RGPD2: variants seen among roughly 807,000 people sequenced by gnomAD.
RGPD2 encodes RANBP2-like and GRIP domain-containing protein 2.
In RGPD2, 2 loss-of-function variants were observed where a neutral mutation model predicts 36.0. The ratio of observed to expected loss-of-function variants is 0.06; its 90% CI spans 0.02 to 0.17. The LOEUF is 0.17. RGPD2 is among the 10% of genes least tolerant of loss of function. RGPD2 has a pLI of 1.00. For missense variants in RGPD2, 40 were observed against 464.3 expected (o/e 0.09, Z 8.40); for synonymous variants, 19 against 163.8 (o/e 0.12, Z 6.75).
In RGPD2 at chr2:87,825,712, G is replaced by A. The variant is rs1558740495; in HGVS notation, c.18C>T (p.Ala6=). Residue 6 remains alanine (A), a synonymous_variant, in exon 1 of 23, where the codon GCC becomes GCT. Transcript: ENST00000398146. MRRSK[A]YGERYLASVQ... is the part of the protein sequence containing the mutation. ...CCGAGGCGAGGTACCGCTCCCCGTA[G>A]GCTTTGCTGCGCCTCATCGCACCGC... 6.2e-7 allele frequency: 1 copy of A among 1,602,748 alleles called. No homozygotes were observed. The highest frequency in any genetic ancestry group is 2.2e-5 in the East Asian group (1 of 44,554).
the RGPD2 span, among the ~76,000 whole-genome samples, chr2:87,973,744 T>C: frequency 1.4e-4 from 21 of 150,244 alleles, no homozygotes; most frequent in Admixed American, 3.4e-4. Context: ...TTACTTTGAG[T>C]TCCTACTGAC....
the RGPD2 span, among the ~76,000 whole-genome samples, chr2:87,979,974 G>T: frequency 2.0e-4 from 30 of 150,210 alleles, no homozygotes; most frequent in Non-Finnish European, 4.2e-4. Context: ...TATTAAAACT[G>T]ATCAAACTGT....
chr2:87,825,196 C>G, intron 1 of RGPD2: 1 of 394,254 alleles, frequency 2.5e-6, no homozygotes, highest in Non-Finnish European at 4.5e-6. Context: ...TCTATTGATC[C>G]CCACCTCCAA....
the RGPD2 span, among the ~76,000 whole-genome samples, chr2:87,877,804 C>CAAAAA: frequency 1.8e-3 from 148 of 84,428 alleles, no homozygotes; most frequent in Middle Eastern, 9.8e-3. Flanking sequence ...GACTCCGTCT[C>CAAAAA]AAAAAAAAAA....
chr2:87,857,575 CT>C, the RGPD2 span, among the ~76,000 whole-genome samples: 36 of 151,718 alleles, frequency 2.4e-4, no homozygotes, highest in East Asian at 6.9e-3. Flanking sequence ...ATCTCCTGAC[CT>C]TGTGATCCGC....
At chr2:87,927,823 C>G in the RGPD2 span, among the ~76,000 whole-genome samples, 8 of 150,124 alleles carry the variant, frequency 5.3e-5, no homozygotes, top group South Asian at 1.5e-3. Context: ...CCCAGAAAAG[C>G]CTTGTCCATT....
chr2:87,878,149 C>G, the RGPD2 span, among the ~76,000 whole-genome samples: 3 of 152,404 alleles, frequency 2.0e-5, no homozygotes, highest in East Asian at 5.8e-4. Flanking sequence ...CTCCCTATCT[C>G]TTTCAGGTAA....
At chr2:87,881,362 C>A in the RGPD2 span, among the ~76,000 whole-genome samples, 2 of 152,276 alleles carry the variant, frequency 1.3e-5, no homozygotes, top group African/African-American at 4.8e-5. Context: ...CAATTTACCT[C>A]CACACTGCTC....
the RGPD2 span, among the ~76,000 whole-genome samples, chr2:87,958,210 GTTAA>G: frequency 6.6e-6 from 1 of 151,930 alleles, no homozygotes; most frequent in Non-Finnish European, 1.5e-5. Context: ...ACTCCATATG[GTTAA>G]TTGTTATTTT....
At chr2:87,846,366 G>T in the RGPD2 span, among the ~76,000 whole-genome samples, 1 of 151,866 alleles carries the variant, frequency 6.6e-6, no homozygotes, top group Admixed American at 6.6e-5. Context: ...GGCACAGTGT[G>T]GTTACTAAAA....
At chr2:87,829,792 G>T (rs1686928414), upstream of RGPD2, among the ~76,000 whole-genome samples, 1 of 145,482 alleles carries the variant, frequency 6.9e-6, no homozygotes, top group Non-Finnish European at 1.5e-5. Flanking sequence ...ATATTTGGTT[G>T]AGGACACAGC....
At chr2:87,966,106 CT>C in the RGPD2 span, among the ~76,000 whole-genome samples, 7 of 148,760 alleles carry the variant, frequency 4.7e-5, no homozygotes, top group Non-Finnish European at 9.0e-5. Context: ...ATCTGACCTC[CT>C]GGTCAGAATA....
the RGPD2 span, among the ~76,000 whole-genome samples, chr2:87,864,965 C>G: frequency 6.6e-6 from 1 of 152,054 alleles, no homozygotes; most frequent in Non-Finnish European, 1.5e-5. Context: ...ATAGGTGTGA[C>G]CATTCGTGCA....
chr2:87,825,456 GGCCGAGGCCGAGGCCGCCGTCGCCGCC>G (rs1686701419), intron 1 of RGPD2, among the ~76,000 whole-genome samples, 175 bp downstream of exon 1: 3 of 101,946 alleles, frequency 2.9e-5, no homozygotes, highest in Non-Finnish European at 4.0e-5. Flanking sequence ...GCCAGGCCGA[GGCCGAGGCCGAGGCCGCCGTCGCCGCC>G]GCCGCCGCCC....
chr2:87,957,814 A>G, the RGPD2 span, among the ~76,000 whole-genome samples: 1 of 152,300 alleles, frequency 6.6e-6, no homozygotes, highest in Admixed American at 6.5e-5. Context: ...AGGCTATAAA[A>G]ACAGCTTGTT....
At chr2:87,867,004 G>A in the RGPD2 span, among the ~76,000 whole-genome samples, 1 of 151,888 alleles carries the variant, frequency 6.6e-6, no homozygotes, top group Non-Finnish European at 1.5e-5. Flanking sequence ...TTTTCTATGT[G>A]AGAGGTTTCT....
chr2:87,843,016 A>G, the RGPD2 span, among the ~76,000 whole-genome samples: 184 of 140,304 alleles, frequency 1.3e-3, no homozygotes, highest in South Asian at 2.8e-3. Flanking sequence ...ATATGTAGAA[A>G]GCTGAAACTG....
At chr2:87,971,506 TCTAA>T in the RGPD2 span, among the ~76,000 whole-genome samples, 4 of 124,506 alleles carry the variant, frequency 3.2e-5, no homozygotes, top group African/African-American at 1.2e-4. Flanking sequence ...TGTCTATATG[TCTAA>T]CTACCAAATG....
the RGPD2 span, among the ~76,000 whole-genome samples, chr2:87,986,832 A>G: frequency 6.6e-6 from 1 of 151,324 alleles, no homozygotes; most frequent in Non-Finnish European, 1.5e-5. Context: ...GTGAGCCAAG[A>G]TCACGCCATT....
Sources: gnomAD v4.1 joint callset for allele counts (sites outside exome capture counted in the v4.1 genomes callset) on GRCh38, gnomAD v4.1.1 for gene constraint, MANE v1.5 for transcripts, NCBI Gene and HGNC (gene_info 2026-07-23, HGNC 2026-07-21) for gene names.